IGF1R: variants seen among roughly 807,000 people sequenced by gnomAD.
The protein encoded by IGF1R is insulin like growth factor 1 receptor, also known as insulin-like growth factor 1 receptor.
IGF1R carries 44 observed loss-of-function variants against 144.6 expected under a neutral mutation model. The observed-to-expected ratio is 0.30, with a 90% CI of 0.24 to 0.39. IGF1R has a LOEUF of 0.39. Among genes scored for constraint, IGF1R ranks in the 10% least tolerant of loss-of-function variants. IGF1R has a pLI of 1.00. For missense variants in IGF1R, 1,355 were observed against 1,833.7 expected (o/e 0.74, Z 4.77); for synonymous variants, 795 against 722.8 (o/e 1.10, Z -1.60).
At chr15:98,717,065 C>G (rs758608887) in intron 2 of IGF1R, among the ~76,000 whole-genome samples, 1 of 152,154 alleles carries the variant, frequency 6.6e-6, no homozygotes, top group African/African-American at 2.4e-5. Flanking sequence ...ATATTAACAG[C>G]GAGATCTGCA....
intron 2 of IGF1R, among the ~76,000 whole-genome samples, chr15:98,759,210 G>T (rs1351216967): frequency 6.6e-6 from 1 of 152,178 alleles, no homozygotes; most frequent in African/African-American, 2.4e-5. Context: ...GGGACAAAAT[G>T]CCTAGCCAGC....
intron 1 of IGF1R, among the ~76,000 whole-genome samples, chr15:98,674,376 G>T (rs1363574439): frequency 1.3e-5 from 2 of 152,174 alleles, no homozygotes; most frequent in African/African-American, 4.8e-5. Context: ...GAGGTCCTTA[G>T]AGTTCCAAGA....
At position 98,961,054 on chromosome 15, in the gene IGF1R, T is replaced by A. The variant is rs886393515; in HGVS notation, c.*3612T>A. On this transcript the variant is annotated 3_prime_UTR_variant, in exon 21 of 21. Transcript: ENST00000650285. ...GCAGCTTTGCCTAAGCGTGGATGGC[T>A]CCTCGGCAATTCCAGCCTAAGTGAA... The A allele has an allele frequency of 3.4e-5, 8 of 233,510 alleles. No homozygotes were observed. Among genetic ancestry groups the A allele is most frequent in the Non-Finnish European group, 6.8e-5 (8 of 117,996 alleles). The allele number at this position is 233,510 out of a possible 1,614,324, so 14.5% of individuals were successfully genotyped here. A position where few individuals can be genotyped will look rare whatever the true frequency, so the allele number is the denominator to read the frequency against.
intron 1 of IGF1R, among the ~76,000 whole-genome samples, chr15:98,701,689 A>G (rs546001400): frequency 3.3e-5 from 5 of 152,268 alleles, no homozygotes; most frequent in Non-Finnish European, 7.4e-5. Flanking sequence ...TACCCATTTT[A>G]ACTAAATGGA....
chr15:98,674,471 G>T (rs2052979870), intron 1 of IGF1R, among the ~76,000 whole-genome samples: 2 of 152,052 alleles, frequency 1.3e-5, no homozygotes, highest in Non-Finnish European at 2.9e-5. Context: ...TTTATATGAG[G>T]TCTACAGAGC....
chr15:98,898,489 G>T (rs571011215), intron 4 of IGF1R, among the ~76,000 whole-genome samples: 1 of 152,272 alleles, frequency 6.6e-6, no homozygotes, highest in African/African-American at 2.4e-5. Flanking sequence ...TAAAATTCAG[G>T]ATCTCTTCCT....
At chr15:98,713,281 G>T (rs937164150) in intron 2 of IGF1R, among the ~76,000 whole-genome samples, 1 of 152,164 alleles carries the variant, frequency 6.6e-6, no homozygotes, top group Non-Finnish European at 1.5e-5. Flanking sequence ...GGCAAGCACT[G>T]CATCTGCTTA....
chr15:98,700,822 C>A (rs1255699011), intron 1 of IGF1R, among the ~76,000 whole-genome samples: 1 of 152,056 alleles, frequency 6.6e-6, no homozygotes, highest in Admixed American at 6.6e-5. Flanking sequence ...CTTTCAGGGT[C>A]GTCTCTGCTG....
intron 2 of IGF1R, among the ~76,000 whole-genome samples, chr15:98,744,896 A>G (rs1381791202): frequency 6.6e-6 from 1 of 152,164 alleles, no homozygotes; most frequent in Non-Finnish European, 1.5e-5. Flanking sequence ...TGGAGAGGCC[A>G]GGAAACATTC....
chr15:98,874,717 T>G (rs2012965537), intron 2 of IGF1R, among the ~76,000 whole-genome samples: 1 of 152,230 alleles, frequency 6.6e-6, no homozygotes, highest in African/African-American at 2.4e-5. Context: ...CGAAGACCCC[T>G]TCCATTGGGC....
chr15:98,914,834 G>A (rs559157647), intron 8 of IGF1R, among the ~76,000 whole-genome samples: 2 of 152,278 alleles, frequency 1.3e-5, no homozygotes, highest in East Asian at 1.9e-4. Flanking sequence ...GACACCTATC[G>A]TAAGAATGTA....
chr15:98,959,770 AAAAG>A lies in IGF1R; in HGVS notation c.*2333_*2336del, dbSNP rs2017150442. On this transcript the variant is annotated 3_prime_UTR_variant, in exon 21 of 21. Transcript: ENST00000650285. ...AGTTGTGACTGAAGATTCAACACAGAAAAGAAAGTTTATACGGCTTTTTTGCTGG... is the reference window on the plus strand; with the variant it reads ...AGTTGTGACTGAAGATTCAACACAGAAAAGTTTATACGGCTTTTTTGCTGG... The A allele has an allele frequency of 8.6e-6, 2 of 233,454 alleles. No homozygotes were observed. The highest frequency in any genetic ancestry group is 1.7e-5 in the Non-Finnish European group (2 of 118,036). 14.5% of individuals were successfully genotyped at this position (233,454 alleles called of 1,614,324 possible). A position where few individuals can be genotyped will look rare whatever the true frequency, so the allele number is the denominator to read the frequency against.
chr15:98,943,079 G>A (rs370665231), intron 19 of IGF1R, 27 bp downstream of exon 19: 1 of 1,613,806 alleles, frequency 6.2e-7, no homozygotes, highest in Non-Finnish European at 8.5e-7. Context: ...TGCATTGCCA[G>A]CCTGGAGCCC....
At chr15:98,723,764 G>A (rs1413131107) in intron 2 of IGF1R, among the ~76,000 whole-genome samples, 1 of 152,230 alleles carries the variant, frequency 6.6e-6, no homozygotes, top group Non-Finnish European at 1.5e-5. Context: ...AAACTCTTGT[G>A]AGAAGCCTTC....
chr15:98,889,384 A>G (rs558074055), intron 2 of IGF1R, among the ~76,000 whole-genome samples: 19 of 152,358 alleles, frequency 1.2e-4, no homozygotes, highest in African/African-American at 4.6e-4. Flanking sequence ...GTAAACCGGT[A>G]CAAACTTTCT....
chr15:98,692,779 G>A (rs1268433695), intron 1 of IGF1R, among the ~76,000 whole-genome samples: 1 of 152,214 alleles, frequency 6.6e-6, no homozygotes, highest in African/African-American at 2.4e-5. Context: ...GAGTTAGTGA[G>A]AGTCTGTTGT....
chr15:98,675,114 G>A (rs1228713174), intron 1 of IGF1R, among the ~76,000 whole-genome samples: 3 of 149,636 alleles, frequency 2.0e-5, no homozygotes, highest in African/African-American at 2.5e-5. Context: ...TCAGCCTCCC[G>A]AGTATTTGGG....
At chr15:98,738,393 G>C (rs1306876586) in intron 2 of IGF1R, among the ~76,000 whole-genome samples, 2 of 152,156 alleles carry the variant, frequency 1.3e-5, no homozygotes, top group Non-Finnish European at 2.9e-5. Context: ...AGTGGGACCT[G>C]GGCAGGTTGG....
At chr15:98,902,375 T>G (rs1452272525) in intron 5 of IGF1R, among the ~76,000 whole-genome samples, 1 of 151,960 alleles carries the variant, frequency 6.6e-6, no homozygotes, top group African/African-American at 2.4e-5. Context: ...TTTTAGAGGT[T>G]CACCCATGTT....
Sources: gnomAD v4.1 joint callset for allele counts (sites outside exome capture counted in the v4.1 genomes callset) on GRCh38, gnomAD v4.1.1 for gene constraint, MANE v1.5 for transcripts, NCBI Gene and HGNC (gene_info 2026-07-23, HGNC 2026-07-21) for gene names.